RPTOR: variants seen among roughly 807,000 people sequenced by gnomAD.
The protein encoded by RPTOR is regulatory associated protein of MTOR complex 1.
RPTOR carries 21 observed loss-of-function variants against 169.9 expected under a neutral mutation model. The ratio of observed to expected loss-of-function variants is 0.12; its 90% confidence interval spans 0.09 to 0.18. The LOEUF (loss-of-function observed/expected upper bound fraction) is 0.18, where lower values mean the gene tolerates loss of function less well. Ranked by LOEUF, RPTOR falls within the 10% of genes least tolerant of loss-of-function variation. The pLI is 1.00. For synonymous variants in RPTOR, 732 were observed against 753.2 expected (o/e 0.97, Z 0.46); for missense variants, 1,133 against 1,855.9 (o/e 0.61, Z 7.16).
intron 23 of RPTOR, 87 bp from the exon 24 acceptor site, chr17:80,925,283 C>T: frequency 2.6e-6 from 3 of 1,166,866 alleles, no homozygotes; most frequent in Non-Finnish European, 3.7e-6. Context: ...GCGCCTTTGT[C>T]CCCAGCTGCA....
At chr17:80,835,912 A>G (rs2067558518) in intron 9 of RPTOR, among the ~76,000 whole-genome samples, 1 of 152,160 alleles carries the variant, frequency 6.6e-6, no homozygotes, top group Admixed American at 6.5e-5. Context: ...GTGATGATTC[A>G]CTTCCAGTTG....
At chr17:80,787,078 C>G (rs2067000253) in intron 6 of RPTOR, among the ~76,000 whole-genome samples, 1 of 152,242 alleles carries the variant, frequency 6.6e-6, no homozygotes, top group South Asian at 2.1e-4. Flanking sequence ...CCGCCCCCGC[C>G]CTGTGACCAC....
intron 2 of RPTOR, 115 bp downstream of exon 2, chr17:80,625,908 TGA>T: frequency 2.8e-6 from 2 of 703,622 alleles, no homozygotes; most frequent in Non-Finnish European, 5.1e-6. Context: ...TGTGCAAATC[TGA>T]GGGGTTTTTC....
Position 80,873,061 on chromosome 17 carries a change from G to A in RPTOR, c.1510-7354G>A, listed in dbSNP as rs573393521. ...GCTGGCTCCTGTCCCACACTCTTTC[G>A]CTACTGTATTTCCTCTTCTTAGTAT... On this transcript the variant is annotated intron_variant, in intron 13 of 33. Coordinates refer to ENST00000306801, the MANE Select transcript of RPTOR (RefSeq NM_020761.3). Among the ~76,000 whole-genome samples the A allele has an allele frequency of 1.1e-4, 17 of 152,198 alleles. No homozygotes were observed. In the East Asian group the frequency reaches 1.2e-3, roughly 10 times the overall value.
At chr17:80,594,659 CCTT>C (rs1199074367) in intron 1 of RPTOR, among the ~76,000 whole-genome samples, 1 of 152,164 alleles carries the variant, frequency 6.6e-6, no homozygotes, top group Non-Finnish European at 1.5e-5. Context: ...AAGAATAAAG[CCTT>C]TAGAACTCAG....
At chr17:80,729,148 T>G (rs989307842) in intron 4 of RPTOR, among the ~76,000 whole-genome samples, 3 of 152,264 alleles carry the variant, frequency 2.0e-5, no homozygotes, top group African/African-American at 7.2e-5. Context: ...GGACAAAGCT[T>G]CTGCAGGCTT....
At chr17:80,749,462 A>G (rs1356719773) in intron 5 of RPTOR, among the ~76,000 whole-genome samples, 42 of 63,696 alleles carry the variant, frequency 6.6e-4, no homozygotes, top group Non-Finnish European at 7.5e-4. Context: ...TGGCGGGAGG[A>G]CCTGTTGGGT....
intron 13 of RPTOR, among the ~76,000 whole-genome samples, chr17:80,873,957 T>G (rs1281180963): frequency 2.0e-5 from 3 of 152,152 alleles, no homozygotes; most frequent in African/African-American, 7.2e-5. Context: ...AGCCCCGGAC[T>G]GAGCAGCGGG....
rs1019178094 is a variant in RPTOR at position 80,714,719 on chromosome 17, A to T, written c.507+6720A>T. 8.5e-5 allele frequency among the ~76,000 whole-genome samples: 13 copies of T among 152,330 alleles called. No homozygotes were observed. The Middle Eastern group carries it at 0.01, about 120-fold the overall frequency. ...AAAGATACATTTTAGAAATATATTT[A>T]AAATGAAAATCTGTTTTTTTGAAAC... On this transcript the variant is annotated intron_variant, in intron 4 of 33. Transcript: ENST00000306801.
chr17:80,639,808 T>TC (rs2065538402), intron 2 of RPTOR, among the ~76,000 whole-genome samples: 1 of 152,172 alleles, frequency 6.6e-6, no homozygotes, highest in African/African-American at 2.4e-5. Flanking sequence ...GAGTGCCAGC[T>TC]CTTTGGAAGG....
intron 4 of RPTOR, among the ~76,000 whole-genome samples, chr17:80,710,567 TTGTATGTGTGTGTGTG>T (rs1172136633): frequency 1.8e-5 from 2 of 110,540 alleles, no homozygotes; most frequent in Admixed American, 2.0e-4. Flanking sequence ...CCTTGGTTAT[TTGTATGTGTGTGTGTG>T]TGTGTGTGTG....
chr17:80,964,142 TG>T, intron 33 of RPTOR, 119 bp from the exon 34 acceptor site: 1 of 857,126 alleles, frequency 1.2e-6, no homozygotes, highest in Non-Finnish European at 1.9e-6. Flanking sequence ...GAGGTGGGCG[TG>T]GGGGTTCCTG....
In RPTOR at chr17:80,860,924, T is replaced by A. The variant is rs1165145287; in HGVS notation, c.1509+3024T>A. ...TGAGCTGGATGCGGGGAGCTGCTGC[T>A]CTTCCTCTCAGCACAGCTGAGGTTG... On this transcript the variant is annotated intron_variant, in intron 13 of 33. Transcript: ENST00000306801. This position sits in a 1 kb window ranked among gnomAD's most constrained non-coding sequence, Gnocchi z 5.8. Among the ~76,000 whole-genome samples, 2 of 106,064 alleles carry A rather than the reference T, an allele frequency of 1.9e-5. 1 individual carries two copies. Among genetic ancestry groups the A allele is most frequent in the Admixed American group, 1.8e-4 (2 of 10,968 alleles). 69.6% of individuals were successfully genotyped at this position (106,064 alleles called of 152,430 possible).
chr17:80,757,218 A>C (rs2066689851), intron 6 of RPTOR, among the ~76,000 whole-genome samples: 1 of 152,180 alleles, frequency 6.6e-6, no homozygotes, highest in Non-Finnish European at 1.5e-5. Flanking sequence ...AGATCTCGGA[A>C]ATGCACTCCC....
chr17:80,627,472 C>T (rs944086021), intron 2 of RPTOR, among the ~76,000 whole-genome samples: 12 of 152,164 alleles, frequency 7.9e-5, no homozygotes, highest in Admixed American at 4.6e-4. Flanking sequence ...CCTTTGTAAT[C>T]GATCCCCTCT....
chr17:80,689,823 T>C (rs2065975926), intron 3 of RPTOR, among the ~76,000 whole-genome samples: 1 of 152,224 alleles, frequency 6.6e-6, no homozygotes, highest in South Asian at 2.1e-4. Flanking sequence ...ATAGAAAACA[T>C]ATTTTTCTAG....
chr17:80,853,368 C>A (rs1026067578), intron 11 of RPTOR, among the ~76,000 whole-genome samples: 5 of 152,194 alleles, frequency 3.3e-5, no homozygotes, highest in African/African-American at 1.2e-4. Flanking sequence ...TGTGCATCTT[C>A]TCCTGGGGGG....
At chr17:80,757,093 G>T (rs2066688213) in intron 6 of RPTOR, among the ~76,000 whole-genome samples, 1 of 152,180 alleles carries the variant, frequency 6.6e-6, no homozygotes, top group Non-Finnish European at 1.5e-5. Context: ...AAAGGGTCGA[G>T]ATGGGAAACA....
Position 80,965,521 on chromosome 17 carries a change from A to G in RPTOR, c.*1191A>G, listed in dbSNP as rs2069415954. 4.3e-6 allele frequency: 1 copy of G among 233,358 alleles called. No individual in the cohort carries two copies. The highest frequency in any genetic ancestry group is 2.2e-5 in the African/African-American group (1 of 45,486). The allele number at this position is 233,358 out of a possible 1,614,324, so 14.5% of individuals were successfully genotyped here. On this transcript the variant is annotated 3_prime_UTR_variant, in exon 34 of 34. Coordinates refer to ENST00000306801, the MANE Select transcript of RPTOR (RefSeq NM_020761.3). The stretch of plus-strand genomic sequence containing the variant: ...AACAGAACACAACCACAATGATGGT[A>G]TTTTGAAAAGTGTTCTTTCCGTGTT...
Sources: gnomAD v4.1 joint callset for allele counts (sites outside exome capture counted in the v4.1 genomes callset) on GRCh38, gnomAD v4.1.1 for gene constraint, Gnocchi (gnomAD v3.1) non-coding constraint, MANE v1.5 for transcripts, NCBI Gene and HGNC (gene_info 2026-07-23, HGNC 2026-07-21) for gene names.